NOX3: variants seen among roughly 807,000 people sequenced by gnomAD.
NOX3 encodes NADPH oxidase 3, also known as NADPH oxidase catalytic subunit-like 3.
A neutral mutation model predicts 76.7 loss-of-function variants in NOX3; 74 were observed. The observed-to-expected ratio is 0.96, with a 90% CI of 0.80 to 1.17. The LOEUF is 1.17. Ranked by LOEUF, NOX3 falls within the 50% of genes most tolerant of loss-of-function variation. The pLI, the probability that NOX3 is intolerant of heterozygous loss-of-function variation, is 0.00. For missense variants in NOX3, 695 were observed against 703.3 expected (o/e 0.99, Z 0.13); for synonymous variants, 263 against 261.1 (o/e 1.01, Z -0.07).
chr6:155,442,328 G>A (rs1777004694), intron 5 of NOX3, among the ~76,000 whole-genome samples: 1 of 152,098 alleles, frequency 6.6e-6, no homozygotes, highest in African/African-American at 2.4e-5. Context: ...CCTGATCAAT[G>A]GCCTGATATT....
Position 155,443,194 on chromosome 6 carries a change from C to T in NOX3, c.486+79G>A, listed in dbSNP as rs912952574. On this transcript the variant is annotated intron_variant, in intron 5 of 13. Coordinates refer to ENST00000159060, the MANE Select transcript of NOX3 (RefSeq NM_015718.3). Reference sequence around the variant, plus strand: ...TCCAGCTCTTTTATTAAAAGCTTTTCAATATAGCGTTCCTGATTAGAGGAC... The same window carrying T: ...TCCAGCTCTTTTATTAAAAGCTTTTTAATATAGCGTTCCTGATTAGAGGAC... The T allele has an allele frequency of 2.0e-5, 26 of 1,328,446 alleles. No individual in the cohort carries two copies. The South Asian group carries it at 4.6e-4, about 24-fold the overall frequency. 82.3% of individuals were successfully genotyped at this position (1,328,446 alleles called of 1,614,324 possible). A position where few individuals can be genotyped will look rare whatever the true frequency, so the allele number is the denominator to read the frequency against.
At chr6:155,413,771 T>C (rs1309455634) in intron 10 of NOX3, among the ~76,000 whole-genome samples, 2 of 152,168 alleles carry the variant, frequency 1.3e-5, no homozygotes, top group Non-Finnish European at 1.5e-5. Context: ...AGAGTTGGCA[T>C]TGGGCATAGA....
At chr6:155,423,042 T>C (rs941709695) in intron 9 of NOX3, among the ~76,000 whole-genome samples, 186 bp from the exon 10 acceptor site, 13 of 152,220 alleles carry the variant, frequency 8.5e-5, no homozygotes, top group Non-Finnish European at 1.3e-4. Context: ...CTCTGCCTTA[T>C]TGGGAGACAA....
chr6:155,432,675 C>T (rs1396460660), intron 7 of NOX3, among the ~76,000 whole-genome samples: 1 of 152,126 alleles, frequency 6.6e-6, no homozygotes, highest in East Asian at 1.9e-4. Flanking sequence ...CCTGGGGGGG[C>T]TCTTGGCCTC....
At chr6:155,399,769 A>G (rs1779199498) in intron 12 of NOX3, among the ~76,000 whole-genome samples, 1 of 152,106 alleles carries the variant, frequency 6.6e-6, no homozygotes, top group African/African-American at 2.4e-5. Flanking sequence ...GACAAGTGCA[A>G]CAGAACCCTA....
chr6:155,411,368 G>A lies in NOX3; in HGVS notation c.1309-8C>T. 1 of 1,611,498 alleles carries A rather than the reference G, an allele frequency of 6.2e-7. No homozygotes were observed. The highest frequency in any genetic ancestry group is 8.5e-7 in the Non-Finnish European group (1 of 1,178,784). ...AATCCAGTAGAAATACACCTGTCAA[G>A]AGAGAAGGCAAGTGAACGGATCTAT... On this transcript the variant is annotated splice_region_variant and splice_polypyrimidine_tract_variant and intron_variant, in intron 10 of 13. Coordinates refer to ENST00000159060, the MANE Select transcript of NOX3 (RefSeq NM_015718.3).
At position 155,428,898 on chromosome 6, in the gene NOX3, G is replaced by A; in HGVS notation, c.1041C>T (p.Asp347=). ...CTGCCCGGATGTGCACGCTGAAAAA[G>A]TCCTCCTGGGGGGCAGAGGTAAGGG... The part of the protein sequence containing the change: ...PFTLTSAPQE[D]FFSVHIRAAG... The change falls in exon 9 of 14, where the codon GAC becomes GAT. Residue 347 remains aspartate (D), a synonymous_variant. Transcript: ENST00000159060. 6.2e-7 allele frequency: 1 copy of A among 1,613,808 alleles called. No individual in the cohort carries two copies. Among genetic ancestry groups the A allele is most frequent in the Non-Finnish European group, 8.5e-7 (1 of 1,179,846 alleles).
At chr6:155,413,873 G>A (rs1286430435) in intron 10 of NOX3, among the ~76,000 whole-genome samples, 1 of 152,036 alleles carries the variant, frequency 6.6e-6, no homozygotes, top group African/African-American at 2.4e-5. Context: ...CAGAACATTT[G>A]CTTTATAAAA....
chr6:155,412,815 T>C (rs1282115188), intron 10 of NOX3, among the ~76,000 whole-genome samples: 1 of 152,194 alleles, frequency 6.6e-6, no homozygotes, highest in East Asian at 1.9e-4. Flanking sequence ...CAGACTCTTC[T>C]GTGCTCTGGA....
rs538198180 is a variant in NOX3 at position 155,432,540 on chromosome 6, TC to T, written c.799-1606del. ...GTCTCTTCTGTTGATGGGTCACAAGTCTTTTAGCATTATTTTTACTTCCTTT... is the reference window on the plus strand; with the variant it reads ...GTCTCTTCTGTTGATGGGTCACAAGTTTTTAGCATTATTTTTACTTCCTTT... On this transcript the variant is annotated intron_variant, in intron 7 of 13. Coordinates refer to ENST00000159060, the MANE Select transcript of NOX3 (RefSeq NM_015718.3). Among the ~76,000 whole-genome samples, 498 of 152,286 alleles carry T rather than the reference TC, an allele frequency of 3.3e-3. 4 individuals are homozygous for T. The highest frequency in any genetic ancestry group is 4.8e-3 in the Non-Finnish European group (324 of 68,018).
chr6:155,446,373 T>A (rs1487420723), intron 4 of NOX3, among the ~76,000 whole-genome samples: 2 of 152,154 alleles, frequency 1.3e-5, no homozygotes, highest in Non-Finnish European at 2.9e-5. Flanking sequence ...TATCTCGACG[T>A]CTTTAAAAAG....
chr6:155,440,328 C>T (rs1310086323), intron 5 of NOX3, among the ~76,000 whole-genome samples, 191 bp from the exon 6 acceptor site: 1 of 152,008 alleles, frequency 6.6e-6, no homozygotes, highest in Non-Finnish European at 1.5e-5. Flanking sequence ...AAGAAGCGAG[C>T]TTACTCTTCC....
At chr6:155,410,168 C>A (rs1229707154) in intron 11 of NOX3, among the ~76,000 whole-genome samples, 1 of 151,978 alleles carries the variant, frequency 6.6e-6, no homozygotes, top group Non-Finnish European at 1.5e-5. Flanking sequence ...TCAAATTATC[C>A]CAAAGGATTA....
intron 10 of NOX3, among the ~76,000 whole-genome samples, chr6:155,414,319 G>A (rs1194118366): frequency 1.3e-5 from 2 of 152,168 alleles, no homozygotes; most frequent in East Asian, 1.9e-4. Flanking sequence ...AAAGGACCTG[G>A]TCAATGAGAG....
At chr6:155,413,702 T>C (rs1360338367) in intron 10 of NOX3, among the ~76,000 whole-genome samples, 2 of 152,204 alleles carry the variant, frequency 1.3e-5, no homozygotes. Context: ...GCTGAATTAA[T>C]GCAGTGCTCA....
intron 10 of NOX3, among the ~76,000 whole-genome samples, chr6:155,413,590 CT>C (rs1219378926): frequency 6.6e-6 from 1 of 152,130 alleles, no homozygotes; most frequent in Non-Finnish European, 1.5e-5. Context: ...CCACTATCTG[CT>C]TTCTTTTCGC....
At chr6:155,424,639 C>T (rs543482459) in intron 9 of NOX3, among the ~76,000 whole-genome samples, 1 of 151,790 alleles carries the variant, frequency 6.6e-6, no homozygotes, top group Non-Finnish European at 1.5e-5. Context: ...GAACTCTCCT[C>T]AAGTTAATCT....
At chr6:155,432,800 G>C (rs1350772661) in intron 7 of NOX3, among the ~76,000 whole-genome samples, 1 of 152,116 alleles carries the variant, frequency 6.6e-6, no homozygotes, top group African/African-American at 2.4e-5. Context: ...TAAACCTTTT[G>C]TCCCCCTATG....
intron 9 of NOX3, 147 bp from the exon 10 acceptor site, chr6:155,423,003 G>A: frequency 1.3e-6 from 1 of 748,760 alleles, no homozygotes; most frequent in East Asian, 2.7e-5. Flanking sequence ...CCTATTTGGA[G>A]AGCCTGGGGT....
Sources: gnomAD v4.1 joint callset for allele counts (sites outside exome capture counted in the v4.1 genomes callset) on GRCh38, gnomAD v4.1.1 for gene constraint, MANE v1.5 for transcripts, NCBI Gene and HGNC (gene_info 2026-07-23, HGNC 2026-07-21) for gene names.